LARP7: variants seen among roughly 807,000 people sequenced by gnomAD.
LARP7 encodes the protein la-related protein 7.
LARP7 carries 52 observed loss-of-function variants against 69.3 expected under a neutral mutation model. That is an observed-to-expected ratio of 0.75 (90% confidence interval 0.60 to 0.95). LARP7 has a LOEUF of 0.95. Among genes scored for constraint, LARP7 ranks in the 40% least tolerant of loss-of-function variants. The pLI, the probability that LARP7 is intolerant of heterozygous loss-of-function variation, is 0.00. For missense variants in LARP7, 733 were observed against 673.0 expected (o/e 1.09, Z -0.99); for synonymous variants, 254 against 215.9 (o/e 1.18, Z -1.55).
At chr4:112,645,433 A>G (rs1414817244) in intron 2 of LARP7, 2 of 445,954 alleles carry the variant, frequency 4.5e-6, no homozygotes, top group African/African-American at 2.0e-5. Flanking sequence ...TTCAATAACC[A>G]TTCATCATGT....
chr4:112,657,443 C>A lies in LARP7; in HGVS notation c.*116C>A. ...ATGTGTTTTTAATTAAAAGAAATAT[C>A]TTTGTTCCTCAACTTGTAAATAAGA... On this transcript the variant is annotated 3_prime_UTR_variant, in exon 13 of 13. Transcript: ENST00000344442. 2.2e-6 allele frequency: 1 copy of A among 448,310 alleles called. No individual in the cohort carries two copies. Among genetic ancestry groups the A allele is most frequent in the Non-Finnish European group, 3.9e-6 (1 of 258,848 alleles). 27.8% of individuals were successfully genotyped at this position (448,310 alleles called of 1,614,324 possible).
chr4:112,647,965 G>C (rs756422508), intron 8 of LARP7, 131 bp downstream of exon 8: 5 of 773,560 alleles, frequency 6.5e-6, no homozygotes, highest in Admixed American at 1.7e-5. Context: ...ACTGCACACA[G>C]TGTGGGCGTT....
chr4:112,647,684 T>A lies in LARP7; in HGVS notation c.998-6T>A, dbSNP rs1223691431. 3.3e-6 allele frequency: 5 copies of A among 1,512,132 alleles called. No individual in the cohort carries two copies. Among genetic ancestry groups the A allele is most frequent in the Non-Finnish European group, 4.4e-6 (5 of 1,134,760 alleles). 93.7% of individuals were successfully genotyped at this position (1,512,132 alleles called of 1,614,324 possible). ...CTTAACGGAGAGCTTTTTTATTTAT[T>A]TCAAGATATAGAAATCTCTACTGAA... On this transcript the variant is annotated splice_region_variant and splice_polypyrimidine_tract_variant and intron_variant, in intron 7 of 12. Coordinates refer to ENST00000344442, the MANE Select transcript of LARP7 (RefSeq NM_016648.4).
At chr4:112,653,709 G>A (rs931788772) in intron 11 of LARP7, among the ~76,000 whole-genome samples, 13 of 152,128 alleles carry the variant, frequency 8.5e-5, no homozygotes, top group African/African-American at 1.4e-4. Flanking sequence ...GTCTTGTCTC[G>A]AACCCCGGAC....
chr4:112,647,316 G>C lies in LARP7; in HGVS notation c.764G>C (p.Arg255Thr), dbSNP rs1208393364. The C allele has an allele frequency of 1.9e-6, 3 of 1,613,898 alleles. No individual in the cohort carries two copies. Among genetic ancestry groups the C allele is most frequent in the African/African-American group, 2.7e-5 (2 of 74,902 alleles). Residue 255 changes from arginine (R) to threonine (T), a missense_variant, in exon 7 of 13, where the codon AGA (arginine) becomes ACA (threonine). Transcript: ENST00000344442. ...AGCATCAGTAAAATGAAAAGATCCA[G>C]ACCCACATCTGAGGGCTCTGACATT... Reference protein sequence around the residue: ...NTSISKMKRSRPTSEGSDIES... With the variant: ...NTSISKMKRSTPTSEGSDIES...
At position 112,657,230 on chromosome 4, in the gene LARP7, GATTT is replaced by G. The variant is rs753917171; in HGVS notation, c.1669-12_1669-9del. ...GAGTATCCAATACATTTTAATTTTT[GATTT>G]ATTTCTCTTTAGTTAATCACCAAAG... On this transcript the variant is annotated splice_polypyrimidine_tract_variant and intron_variant, in intron 12 of 12. Coordinates refer to ENST00000344442, the MANE Select transcript of LARP7 (RefSeq NM_016648.4). 1.8e-5 allele frequency: 23 copies of G among 1,301,014 alleles called. No individual in the cohort carries two copies. Among genetic ancestry groups the G allele is most frequent in the African/African-American group, 1.0e-4 (6 of 59,050 alleles). The allele number at this position is 1,301,014 out of a possible 1,614,324, so 80.6% of individuals were successfully genotyped here.
rs2048999151 is a variant in LARP7, at chr4:112,657,386, T to G, written c.*59T>G. 1.3e-6 allele frequency: 1 copy of G among 781,310 alleles called. No homozygotes were observed. The highest frequency in any genetic ancestry group is 2.6e-5 in the South Asian group (1 of 38,848). The allele number at this position is 781,310 out of a possible 1,614,324, so 48.4% of individuals were successfully genotyped here. ...AGATACTTGAGCTGTTCTTGGGAGA[T>G]TCACTTTTATTATGGTAGCACTGCA... On this transcript the variant is annotated 3_prime_UTR_variant, in exon 13 of 13. Coordinates refer to ENST00000344442, the MANE Select transcript of LARP7 (RefSeq NM_016648.4).
Position 112,646,870 on chromosome 4 carries a change from T to C in LARP7, c.467T>C (p.Ile156Thr). The C allele has an allele frequency of 1.2e-6, 2 of 1,606,870 alleles. No homozygotes were observed. Among genetic ancestry groups the C allele is most frequent in the Non-Finnish European group, 1.7e-6 (2 of 1,177,598 alleles). ...GKCGNVVYIS[I>T]PHYKSTGDPK... Reference sequence around the variant, plus strand: ...TGTGGCAATGTTGTTTATATAAGTATACCACATTATAAGTCTACTGGAGAT... The same window carrying C: ...TGTGGCAATGTTGTTTATATAAGTACACCACATTATAAGTCTACTGGAGAT... Residue 156 changes from isoleucine (I) to threonine (T), a missense_variant, in exon 5 of 13, where the codon ATA becomes ACA. By Grantham distance (89) the Ile-to-Thr change is moderately conservative (BLOSUM62 -1). Coordinates refer to ENST00000344442, the MANE Select transcript of LARP7 (RefSeq NM_016648.4).
Position 112,657,242 on chromosome 4 carries a change from T to G in LARP7, c.1669-5T>G, listed in dbSNP as rs1471716086. ...CATTTTAATTTTTGATTTATTTCTCTTTAGTTAATCACCAAAGCTGAAAAG... is the reference window on the plus strand; with the variant it reads ...CATTTTAATTTTTGATTTATTTCTCGTTAGTTAATCACCAAAGCTGAAAAG... On this transcript the variant is annotated splice_region_variant and splice_polypyrimidine_tract_variant and intron_variant, in intron 12 of 12. Transcript: ENST00000344442. The G allele has an allele frequency of 1.9e-6, 3 of 1,540,982 alleles. No homozygotes were observed. The highest frequency in any genetic ancestry group is 2.7e-6 in the Non-Finnish European group (3 of 1,126,456).
At chr4:112,654,021 A>G in intron 11 of LARP7, 47 bp from the exon 12 acceptor site, 1 of 1,357,620 alleles carries the variant, frequency 7.4e-7, no homozygotes, top group Non-Finnish European at 1.0e-6. Context: ...ATGGTTTTTC[A>G]GATATGTTCT....
In LARP7 at chr4:112,646,806, A is replaced by C. The variant is rs2048289038; in HGVS notation, c.403A>C (p.Asn135His). 1 of 1,586,216 alleles carries C rather than the reference A, an allele frequency of 6.3e-7. No individual in the cohort carries two copies. Among genetic ancestry groups the C allele is most frequent in the Non-Finnish European group, 8.5e-7 (1 of 1,172,526 alleles). Residue 135 changes from asparagine to histidine, a missense_variant, in exon 5 of 13, where the codon AAT (asparagine) becomes CAT (histidine). Coordinates refer to ENST00000344442, the MANE Select transcript of LARP7 (RefSeq NM_016648.4). ...RTVYVELLPKNVNHSWIERVF... is the reference protein window; with the variant it reads ...RTVYVELLPKHVNHSWIERVF... ...TTTATAATAGGAGTTACTTCCCAAA[A>C]ATGTTAATCACAGCTGGATTGAAAG...
intron 11 of LARP7, 78 bp from the exon 12 acceptor site, chr4:112,653,990 T>G: frequency 8.3e-6 from 8 of 967,978 alleles, no homozygotes; most frequent in East Asian, 2.4e-5. Context: ...TTACTATTAT[T>G]GAGAATGTAA....
In LARP7 at chr4:112,646,597, G is replaced by T. The variant is rs760828030; in HGVS notation, c.313G>T (p.Glu105Ter). ...RSSAVVELDLEGTRIRRKKPL... is the reference protein window; with the variant it reads ...RSSAVVELDL ...ATATACTATTTTAAAGCTTGATTTG[G>T]AAGGCACCAGAATCCGGAGGAAAAA... Residue 105 changes from glutamate (E) to a stop codon, truncating the protein, a stop_gained, in exon 4 of 13, where the codon GAA becomes TAA. Transcript: ENST00000344442. LOFTEE classifies it high-confidence loss of function. 4 of 1,586,640 alleles carry T rather than the reference G, an allele frequency of 2.5e-6. No individual in the cohort carries two copies. The highest frequency in any genetic ancestry group is 2.7e-5 in the African/African-American group (2 of 74,214).
chr4:112,637,361 A>G (rs2047704145), intron 1 of LARP7, 122 bp downstream of exon 1: 1 of 152,122 alleles, frequency 6.6e-6, no homozygotes, highest in East Asian at 1.9e-4. Flanking sequence ...CCCGTCCTGC[A>G]CACCCATCAG....
At chr4:112,651,869 A>C (rs2048756369) in intron 10 of LARP7, among the ~76,000 whole-genome samples, 2 of 152,146 alleles carry the variant, frequency 1.3e-5, no homozygotes, top group Non-Finnish European at 2.9e-5. Flanking sequence ...CAGTTATAAA[A>C]CTCATTACTA....
chr4:112,646,260 G>A (rs1219199889), intron 2 of LARP7, 91 bp from the exon 3 acceptor site: 12 of 631,022 alleles, frequency 1.9e-5, no homozygotes, highest in Non-Finnish European at 2.7e-5. Context: ...ATGAGCCACC[G>A]AGCCTGAGGG....
chr4:112,646,997 AC>A, intron 5 of LARP7, 36 bp from the exon 6 acceptor site: 2 of 1,581,708 alleles, frequency 1.3e-6, no homozygotes, highest in Non-Finnish European at 1.7e-6. Context: ...AGAAAAGAAA[AC>A]AAGTATTAAA....
intron 2 of LARP7, 74 bp downstream of exon 2, chr4:112,644,945 C>CA: frequency 1.2e-5 from 2 of 165,088 alleles, no homozygotes; most frequent in Non-Finnish European, 1.9e-5. Context: ...ATAATATATT[C>CA]TTTTTTTTTT....
chr4:112,646,010 TTTTGTTTGAGTCTC>T (rs917723741), intron 2 of LARP7, among the ~76,000 whole-genome samples: 7 of 151,034 alleles, frequency 4.6e-5, no homozygotes, highest in Non-Finnish European at 8.9e-5. Context: ...TTTTTGTTTG[TTTTGTTTGAGTCTC>T]TTTCTCCCAG....
Sources: gnomAD v4.1 joint callset for allele counts (sites outside exome capture counted in the v4.1 genomes callset) on GRCh38, gnomAD v4.1.1 for gene constraint, MANE v1.5 for transcripts, NCBI Gene and HGNC (gene_info 2026-07-23, HGNC 2026-07-21) for gene names.